Variants in KLC1 observed in about 807,000 individuals in gnomAD.
KLC1 encodes the protein kinesin 2 60/70kDa.
A neutral mutation model predicts 84.2 loss-of-function variants in KLC1; 30 were observed. The ratio of observed to expected loss-of-function variants is 0.36; its 90% CI spans 0.27 to 0.48. The LOEUF is 0.48. KLC1 is among the 20% of genes least tolerant of loss of function. The pLI, the probability that KLC1 is intolerant of heterozygous loss-of-function variation, is 0.99. For synonymous variants in KLC1, 289 were observed against 293.3 expected (o/e 0.99, Z 0.15); for missense variants, 499 against 805.4 (o/e 0.62, Z 4.60).
chr14:103,686,381 C>CT (rs913421577), intron 13 of KLC1: 2 of 202,064 alleles, frequency 9.9e-6, no homozygotes, highest in Admixed American at 1.3e-4. Context: ...CTTCTTCACT[C>CT]TGTGTTTTTT....
In KLC1 at chr14:103,694,250, CT is replaced by C. The variant is rs34994116; in HGVS notation, c.1848+1844del. ...GAAGCCCATAGAGACGTGTGTTTCA[CT>C]TTTTTTTTTTTTTTTTTTGAGACGG... is the stretch of plus-strand genomic sequence containing the variant. On this transcript the variant is annotated intron_variant, in intron 15 of 16. Coordinates refer to ENST00000334553, the MANE Select transcript of KLC1 (RefSeq NM_001394837.1). This position sits in a 1 kb window ranked among gnomAD's most constrained non-coding sequence, Gnocchi z 4.5. The C allele has an allele frequency of 0.068, 59,748 of 878,648 alleles. 4 individuals carry two copies. The highest frequency in any genetic ancestry group is 0.073 in the Non-Finnish European group (54,887 of 746,888). The allele number at this position is 878,648 out of a possible 1,614,324, so 54.4% of individuals were successfully genotyped here. A position where few individuals can be genotyped will look rare whatever the true frequency, so the allele number is the denominator to read the frequency against.
intron 5 of KLC1, among the ~76,000 whole-genome samples, chr14:103,666,764 A>AT (rs1370701467): frequency 9.6e-6 from 1 of 103,630 alleles, no homozygotes; most frequent in African/African-American, 3.7e-5. Context: ...GTGCCTGGCC[A>AT]TTTTTTTTCT....
chr14:103,698,296 C>T (rs144660634), intron 15 of KLC1: 20 of 177,676 alleles, frequency 1.1e-4, no homozygotes, highest in Non-Finnish European at 1.8e-4. Flanking sequence ...GAGGAGGAGC[C>T]GCCTGCCTGC....
chr14:103,659,334 A>T (rs28670497), intron 3 of KLC1, among the ~76,000 whole-genome samples: 1 of 152,230 alleles, frequency 6.6e-6, no homozygotes, highest in Non-Finnish European at 1.5e-5. Context: ...TTTTAATTTT[A>T]AAAATTTTAC....
chr14:103,644,342 C>G (rs983868153), intron 1 of KLC1, among the ~76,000 whole-genome samples: 1 of 151,396 alleles, frequency 6.6e-6, no homozygotes, highest in African/African-American at 2.4e-5. Flanking sequence ...TCACTGCAAC[C>G]TCCGCCTCCC....
At chr14:103,669,134 C>T (rs1458765111) in intron 5 of KLC1, among the ~76,000 whole-genome samples, 1 of 151,020 alleles carries the variant, frequency 6.6e-6, no homozygotes, top group Non-Finnish European at 1.5e-5. Flanking sequence ...TTGAAAATTA[C>T]ATTTAAAAAA....
chr14:103,644,621 T>G (rs1018005730), intron 1 of KLC1, among the ~76,000 whole-genome samples: 9 of 151,934 alleles, frequency 5.9e-5, no homozygotes, highest in African/African-American at 2.2e-4. Context: ...GGACTGGGTG[T>G]GGTAGCTCAC....
intron 12 of KLC1, 125 bp from the exon 13 acceptor site, chr14:103,679,259 A>G: frequency 7.7e-7 from 1 of 1,296,264 alleles, no homozygotes; most frequent in Non-Finnish European, 1.1e-6. Context: ...CCACTCTTCC[A>G]ATGTTTTTCC....
In KLC1 at chr14:103,684,752, T is replaced by C. The variant is rs149788591; in HGVS notation, c.1651-2329T>C. ...TGTGTGTGTGTCACATGAAATACTT[T>C]TGAATCTGAGTGAAATGAATCTTCT... On this transcript the variant is annotated intron_variant, in intron 13 of 16. Coordinates refer to ENST00000334553, the MANE Select transcript of KLC1 (RefSeq NM_001394837.1). 4,995 of 526,756 alleles carry C rather than the reference T, an allele frequency of 9.5e-3. 38 individuals carry two copies. The highest frequency in any genetic ancestry group is 0.027 in the Middle Eastern group (72 of 2,654). The allele number at this position is 526,756 out of a possible 1,614,324, so 32.6% of individuals were successfully genotyped here. A position where few individuals can be genotyped will look rare whatever the true frequency, so the allele number is the denominator to read the frequency against.
chr14:103,657,615 C>G lies in KLC1; in HGVS notation c.331C>G (p.Arg111Gly). Residue 111 changes from arginine (R) to glycine (G), a missense_variant, in exon 3 of 17, where the codon CGT becomes GGT. Arg to Gly is a moderately radical substitution (Grantham distance 125). Around this residue, in one of 3 missense-constraint regions of KLC1, gnomAD observed 179 missense variants for 264.2 expected, o/e 0.68. Coordinates refer to ENST00000334553, the MANE Select transcript of KLC1 (RefSeq NM_001394837.1). ...GAAGCAGAAACTGCGTGCGCAGGTT[C>G]GTCGTCTGTGCCAGGAGAATCAGTG... Reference protein sequence around the residue: ...SEKQKLRAQVRRLCQENQWLR... With the variant: ...SEKQKLRAQVGRLCQENQWLR... 6.2e-7 allele frequency: 1 copy of G among 1,614,164 alleles called. No homozygotes were observed. The highest frequency in any genetic ancestry group is 8.5e-7 in the Non-Finnish European group (1 of 1,180,034).
chr14:103,657,818 G>A (rs1195280961), intron 3 of KLC1, 42 bp downstream of exon 3: 5 of 1,403,288 alleles, frequency 3.6e-6, no homozygotes, highest in Non-Finnish European at 4.0e-6. Flanking sequence ...TGTTTAAAAT[G>A]GAGTCACTGG....
chr14:103,679,306 T>A (rs2081176413), intron 12 of KLC1, 78 bp from the exon 13 acceptor site: 5 of 1,405,206 alleles, frequency 3.6e-6, no homozygotes, highest in Non-Finnish European at 4.9e-6. Context: ...TTTTTTTTTC[T>A]AGCGAAGTAT....
At chr14:103,668,091 A>G (rs796472591) in intron 5 of KLC1, among the ~76,000 whole-genome samples, 10 of 152,356 alleles carry the variant, frequency 6.6e-5, no homozygotes, top group African/African-American at 2.4e-4. Flanking sequence ...GTAGCATATC[A>G]TCTTCTTACA....
chr14:103,639,683 T>C (rs1282291693), intron 1 of KLC1, among the ~76,000 whole-genome samples: 1 of 151,492 alleles, frequency 6.6e-6, no homozygotes, highest in African/African-American at 2.4e-5. Flanking sequence ...CAAGCAGTGC[T>C]CCTGTCTTGG....
chr14:103,679,360 C>T (rs775295458), intron 12 of KLC1, 24 bp from the exon 13 acceptor site: 52 of 1,612,740 alleles, frequency 3.2e-5, no homozygotes, highest in Non-Finnish European at 4.2e-5. Context: ...TGGGTCAAAC[C>T]ATTTTCCCCT....
intron 2 of KLC1, among the ~76,000 whole-genome samples, chr14:103,656,072 G>T (rs1335946257): frequency 1.3e-5 from 2 of 152,210 alleles, no homozygotes; most frequent in African/African-American, 2.4e-5. Context: ...CCTGTCTTGG[G>T]GACTGAGAGT....
chr14:103,684,819 T>C (rs1402020523), intron 13 of KLC1: 2 of 621,878 alleles, frequency 3.2e-6, no homozygotes, highest in Non-Finnish European at 3.0e-6. Context: ...TATAAACTAC[T>C]GTAGTGTAGC....
rs752754364 is a variant in KLC1 at position 103,679,491 on chromosome 14, C to T, written c.1596C>T (p.Tyr532=). 8.1e-6 allele frequency: 13 copies of T among 1,613,992 alleles called. No homozygotes were observed. The highest frequency in any genetic ancestry group is 1.1e-5 in the South Asian group (1 of 91,070). ...GCCTCAACGTGGACGTGGTCAAGTA[C>T]GAGAGTGGCCCTGACGGAGGGGAGG... ...RESLNVDVVK[Y]ESGPDGGEEV... Residue 532 remains tyrosine, a synonymous_variant, in exon 13 of 17, where the codon TAC becomes TAT. Coordinates refer to ENST00000334553, the MANE Select transcript of KLC1 (RefSeq NM_001394837.1).
chr14:103,674,662 G>T (rs2080728998), intron 9 of KLC1, among the ~76,000 whole-genome samples: 1 of 152,052 alleles, frequency 6.6e-6, no homozygotes, highest in African/African-American at 2.4e-5. Flanking sequence ...TGATCCTCCT[G>T]CCTAAGTCCC....
Sources: gnomAD v4.1 joint callset for allele counts (sites outside exome capture counted in the v4.1 genomes callset) on GRCh38, gnomAD v4.1.1 for gene constraint, gnomAD v4.1.1 regional missense constraint, Gnocchi (gnomAD v3.1) non-coding constraint, MANE v1.5 for transcripts, NCBI Gene and HGNC (gene_info 2026-07-23, HGNC 2026-07-21) for gene names.